Variants in NTRK3 observed in about 807,000 individuals in gnomAD.
The protein encoded by NTRK3 is neurotrophic receptor tyrosine kinase 3, also known as NT-3 growth factor receptor.
In NTRK3, 24 loss-of-function variants were observed where a neutral mutation model predicts 91.7. The observed-to-expected ratio is 0.26, with a 90% CI of 0.19 to 0.37. The LOEUF (loss-of-function observed/expected upper bound fraction) is 0.37. Ranked by LOEUF, NTRK3 falls within the 10% of genes least tolerant of loss-of-function variation. The pLI is 1.00. For synonymous variants in NTRK3, 483 were observed against 404.0 expected, an observed-to-expected ratio of 1.20 and a Z score of -2.34; for missense variants, 880 against 1,068.9, an observed-to-expected ratio of 0.82 and a Z score of 2.46.
intron 14 of NTRK3, among the ~76,000 whole-genome samples, chr15:88,029,085 G>A (rs974819734): frequency 6.6e-6 from 1 of 152,218 alleles, no homozygotes; most frequent in Non-Finnish European, 1.5e-5. Context: ...GTCCTCAGCT[G>A]TGTGACCAGG....
intron 17 of NTRK3, among the ~76,000 whole-genome samples, chr15:87,914,384 G>A (rs1280921158): frequency 6.6e-6 from 1 of 152,196 alleles, no homozygotes; most frequent in Non-Finnish European, 1.5e-5. Flanking sequence ...TTCCCTTGGT[G>A]ATACCAGTGC....
intron 13 of NTRK3, chr15:88,098,772 G>A (rs1182128229): frequency 1.3e-5 from 3 of 232,936 alleles, no homozygotes; most frequent in Admixed American, 1.1e-4. Flanking sequence ...AAGAGGAAAG[G>A]AACATGGGAG....
chr15:87,998,977 C>T (rs1365109882), intron 14 of NTRK3, among the ~76,000 whole-genome samples: 3 of 152,084 alleles, frequency 2.0e-5, no homozygotes, highest in Admixed American at 1.3e-4. Context: ...TGGAGGAAGG[C>T]AATTCAATCA....
At chr15:88,080,568 G>A (rs892300784) in intron 13 of NTRK3, among the ~76,000 whole-genome samples, 22 of 152,192 alleles carry the variant, frequency 1.4e-4, no homozygotes, top group African/African-American at 4.6e-4. Flanking sequence ...AAAGGCAACT[G>A]GCAATTTACA....
intron 17 of NTRK3, among the ~76,000 whole-genome samples, chr15:87,881,808 T>C (rs1039917875): frequency 1.3e-5 from 2 of 152,160 alleles, no homozygotes; most frequent in Non-Finnish European, 2.9e-5. Context: ...GCAATCTTGT[T>C]TCCAAAAAGG....
chr15:88,133,448 C>T (rs4887368), intron 10 of NTRK3, among the ~76,000 whole-genome samples: 32,564 of 152,078 alleles, frequency 0.21, 3,640 homozygotes, highest in Middle Eastern at 0.27. Context: ...AGGGTTCCCC[C>T]CTCCCTAGGC....
At chr15:88,006,693 T>C (rs1016639238) in intron 14 of NTRK3, among the ~76,000 whole-genome samples, 1 of 152,174 alleles carries the variant, frequency 6.6e-6, no homozygotes, top group African/African-American at 2.4e-5. Context: ...AGTACATCCG[T>C]AGCTTGAACA....
At chr15:87,878,677 G>T (rs2065065823) in intron 18 of NTRK3, among the ~76,000 whole-genome samples, 1 of 152,222 alleles carries the variant, frequency 6.6e-6, no homozygotes, top group Admixed American at 6.5e-5. Flanking sequence ...GTCAGTATGT[G>T]GCTGCTATGG....
At chr15:87,933,175 C>A (rs1395756451) in exon 16 of NTRK3, 1 of 1,614,076 alleles carries the variant, frequency 6.2e-7, no homozygotes, top group Non-Finnish European at 8.5e-7. Context: ...AGGGTGGGAT[C>A]CTTCAGGGCC....
intron 5 of NTRK3, among the ~76,000 whole-genome samples, chr15:88,159,978 A>ACACACACACACACACC (rs2044291341): frequency 6.7e-6 from 1 of 149,970 alleles, no homozygotes. Flanking sequence ...ACACACACAC[A>ACACACACACACACACC]CACACACACA....
At chr15:87,935,138 G>A (rs1372623366) in intron 15 of NTRK3, among the ~76,000 whole-genome samples, 2 of 152,136 alleles carry the variant, frequency 1.3e-5, no homozygotes, top group Non-Finnish European at 2.9e-5. Context: ...ATTAATTTAT[G>A]GGATAAATTA....
At position 87,984,096 on chromosome 15, in the gene NTRK3, T is replaced by G. The variant is rs571303130; in HGVS notation, c.1586-43343A>C. Among the ~76,000 whole-genome samples the G allele has an allele frequency of 2.6e-5, 4 of 152,214 alleles. No homozygotes were observed. The East Asian group carries it at 7.7e-4, about 29-fold the overall frequency. ...CTAGAGAGGATGAAAAATGACCACA[T>G]GAACGTGAGGTAGTAATGAGTATGG... On this transcript the variant is annotated intron_variant, in intron 14 of 18. Transcript: ENST00000394480.
At chr15:87,949,359 C>G (rs928073694) in intron 14 of NTRK3, among the ~76,000 whole-genome samples, 1 of 152,060 alleles carries the variant, frequency 6.6e-6, no homozygotes, top group South Asian at 2.1e-4. Context: ...AAAGTGCCTC[C>G]GTGGTCAGCT....
intron 3 of NTRK3, among the ~76,000 whole-genome samples, chr15:88,208,351 C>T (rs566306630): frequency 3.9e-5 from 6 of 152,152 alleles, no homozygotes; most frequent in South Asian, 2.1e-4. Flanking sequence ...TAAAATGATA[C>T]CCCTCTAAAG....
At chr15:88,171,357 G>C (rs998173246) in intron 5 of NTRK3, among the ~76,000 whole-genome samples, 3 of 152,150 alleles carry the variant, frequency 2.0e-5, no homozygotes, top group Non-Finnish European at 4.4e-5. Flanking sequence ...GTGTGTTGAG[G>C]CTGCCATAGA....
rs1158549476 is a variant in NTRK3, at chr15:88,223,636, GA to G, written c.248+32269del. 2.0e-5 allele frequency among the ~76,000 whole-genome samples: 3 copies of G among 152,194 alleles called. No homozygotes were observed. The East Asian group carries it at 5.8e-4, about 29-fold the overall frequency. ...ACCACTTCATCGCTCCATGGTCTTG[GA>G]CAAAGTACTCAACCTTTTGGGGTCT... On this transcript the variant is annotated intron_variant, in intron 3 of 18. Coordinates refer to ENST00000394480, the Ensembl canonical transcript of NTRK3.
chr15:87,949,215 A>G (rs1275878047), intron 14 of NTRK3, among the ~76,000 whole-genome samples: 1 of 152,226 alleles, frequency 6.6e-6, no homozygotes, highest in Non-Finnish European at 1.5e-5. Context: ...GAAAAGAGCC[A>G]GGAAGTTCCT....
At chr15:87,879,906 G>A (rs79593962) in intron 18 of NTRK3, among the ~76,000 whole-genome samples, 2,746 of 152,234 alleles carry the variant, frequency 0.018, 82 homozygotes, top group African/African-American at 0.063. Flanking sequence ...CCCAGATTAT[G>A]TGGGCATACT....
chr15:88,156,530 G>T (rs1430259031), intron 5 of NTRK3, among the ~76,000 whole-genome samples: 1 of 151,526 alleles, frequency 6.6e-6, no homozygotes, highest in Non-Finnish European at 1.5e-5. Context: ...TCGCCCTGTT[G>T]GCTGCACCCT....
Sources: allele counts gnomAD v4.1 joint callset (sites outside exome capture counted in the v4.1 genomes callset), GRCh38; gene constraint gnomAD v4.1.1; transcripts MANE v1.5; gene names NCBI Gene and HGNC (gene_info 2026-07-23, HGNC 2026-07-21).